Variants in FKBP5 observed in about 807,000 individuals in gnomAD.
FKBP5 encodes the protein peptidyl-prolyl cis-trans isomerase FKBP5.
A neutral mutation model predicts 50.5 loss-of-function variants in FKBP5; 23 were observed. The ratio of observed to expected loss-of-function variants is 0.46; its 90% CI spans 0.33 to 0.65. FKBP5 has a LOEUF of 0.65. FKBP5 is among the 30% of genes least tolerant of loss of function. The pLI is 0.02. For synonymous variants in FKBP5, 176 were observed against 190.6 expected, an observed-to-expected ratio of 0.92 and a Z score of 0.63; for missense variants, 411 against 553.1, an observed-to-expected ratio of 0.74 and a Z score of 2.58.
intron 8 of FKBP5, chr6:35,581,329 G>A: frequency 2.7e-6 from 1 of 371,196 alleles, no homozygotes; most frequent in Non-Finnish European, 3.7e-6. Flanking sequence ...GCTGGGGGCT[G>A]AGCACAGTGG....
upstream of FKBP5, among the ~76,000 whole-genome samples, chr6:35,692,489 T>A (rs745382814): frequency 2.0e-5 from 3 of 152,164 alleles, no homozygotes; most frequent in Non-Finnish European, 2.9e-5. Flanking sequence ...GGCAGCTTTG[T>A]ACATTAAGGT....
chr6:35,594,623 C>T (rs976668631), intron 6 of FKBP5, among the ~76,000 whole-genome samples: 2 of 152,024 alleles, frequency 1.3e-5, no homozygotes, highest in African/African-American at 4.8e-5. Flanking sequence ...AGCATGCATA[C>T]ACACACACAT....
At chr6:35,727,954 C>A (rs1766753092) in intron 1 of FKBP5, among the ~76,000 whole-genome samples, 1 of 152,190 alleles carries the variant, frequency 6.6e-6, no homozygotes. Context: ...GGCTGCGGGG[C>A]CCACGCGCGC....
At chr6:35,588,999 C>A (rs1316271290) in intron 7 of FKBP5, among the ~76,000 whole-genome samples, 1 of 149,442 alleles carries the variant, frequency 6.7e-6, no homozygotes, top group African/African-American at 2.5e-5. Flanking sequence ...CTTGGCCTCC[C>A]AAAGTGCTGG....
chr6:35,676,106 A>T (rs986008248), intron 1 of FKBP5, among the ~76,000 whole-genome samples: 1 of 152,234 alleles, frequency 6.6e-6, no homozygotes, highest in Admixed American at 6.5e-5. Context: ...AAAAAGAGGG[A>T]TTTGACGTCA....
intron 1 of FKBP5, among the ~76,000 whole-genome samples, chr6:35,680,281 T>C (rs1765631447): frequency 6.6e-6 from 1 of 152,120 alleles, no homozygotes; most frequent in African/African-American, 2.4e-5. Context: ...TTTTCTTTAA[T>C]TAGCCAGACA....
intron 5 of FKBP5, among the ~76,000 whole-genome samples, chr6:35,606,898 A>G (rs1763338093): frequency 6.6e-6 from 1 of 152,142 alleles, no homozygotes; most frequent in African/African-American, 2.4e-5. Flanking sequence ...TATCAGAAAG[A>G]TAGCTGGCAT....
chr6:35,625,365 G>A (rs1304013113), intron 3 of FKBP5, among the ~76,000 whole-genome samples: 1 of 152,064 alleles, frequency 6.6e-6, no homozygotes, highest in Non-Finnish European at 1.5e-5. Flanking sequence ...GATTACAGGT[G>A]TGAGTCACCA....
chr6:35,611,002 G>C (rs1763475335), intron 5 of FKBP5, among the ~76,000 whole-genome samples: 2 of 152,168 alleles, frequency 1.3e-5, no homozygotes, highest in African/African-American at 2.4e-5. Context: ...GATGATTGCT[G>C]CATAGCCTGC....
chr6:35,703,179 G>A lies in FKBP5; in HGVS notation c.-20+17149C>T, dbSNP rs927834198. On this transcript the variant is annotated intron_variant, in intron 2 of 11. Coordinates refer to the FKBP5 transcript ENST00000536438. ...GCAGGAGAATTGCTTGAGACTGGGA[G>A]GTGGAGGTTGCAATGAGCCGAGATC... Among the ~76,000 whole-genome samples, 4 of 152,126 alleles carry A rather than the reference G, an allele frequency of 2.6e-5. No individual in the cohort carries two copies. In the East Asian group the frequency reaches 7.8e-4, roughly 29 times the overall value.
intron 5 of FKBP5, among the ~76,000 whole-genome samples, chr6:35,598,999 T>TAAATAAATAAATAAATAAATA (rs1554131621): frequency 6.6e-5 from 10 of 151,226 alleles, no homozygotes; most frequent in African/African-American, 2.4e-4. Flanking sequence ...AATAAATAAA[T>TAAATAAATAAATAAATAAATA]AAAAATAAAA....
chr6:35,698,581 A>C (rs1488860256), intron 2 of FKBP5, among the ~76,000 whole-genome samples: 1 of 152,180 alleles, frequency 6.6e-6, no homozygotes, highest in African/African-American at 2.4e-5. Flanking sequence ...TGGGAGGCAG[A>C]GGTTGCAATG....
chr6:35,683,109 T>TATATATACGTATATATATACAC (rs1364650186), intron 1 of FKBP5, among the ~76,000 whole-genome samples: 2 of 142,424 alleles, frequency 1.4e-5, no homozygotes, highest in African/African-American at 5.2e-5. Flanking sequence ...TGTGTGTATA[T>TATATATACGTATATATATACAC]ATATACGTAT....
At chr6:35,672,759 A>T (rs975327511) in intron 1 of FKBP5, among the ~76,000 whole-genome samples, 1 of 76,770 alleles carries the variant, frequency 1.3e-5, no homozygotes, top group African/African-American at 4.3e-5. Flanking sequence ...ACTTGTCTCT[A>T]CTAAAAAAAA....
intron 2 of FKBP5, among the ~76,000 whole-genome samples, chr6:35,717,393 T>C (rs1022038133): frequency 6.6e-6 from 1 of 152,178 alleles, no homozygotes; most frequent in African/African-American, 2.4e-5. Flanking sequence ...CATGTATTCA[T>C]GTATGTGTGA....
intron 1 of FKBP5, among the ~76,000 whole-genome samples, chr6:35,662,106 C>T (rs1765084398): frequency 6.6e-6 from 1 of 151,910 alleles, no homozygotes; most frequent in African/African-American, 2.4e-5. Flanking sequence ...CTATGTTGCC[C>T]AGGCTGATCT....
At chr6:35,696,624 CT>C (rs1289859406) in intron 2 of FKBP5, among the ~76,000 whole-genome samples, 1 of 152,032 alleles carries the variant, frequency 6.6e-6, no homozygotes, top group Non-Finnish European at 1.5e-5. Context: ...AATGCCAATT[CT>C]TCCCAAATTG....
At chr6:35,589,159 T>C (rs1358720511) in intron 7 of FKBP5, among the ~76,000 whole-genome samples, 1 of 146,530 alleles carries the variant, frequency 6.8e-6, no homozygotes, top group African/African-American at 2.5e-5. Context: ...GACGGAGTCT[T>C]GCTCTGTCTC....
intron 1 of FKBP5, among the ~76,000 whole-genome samples, chr6:35,683,120 ATGTGTGTGTGTGTGTGTGTGTGTGTGTG>A (rs35830022): frequency 1.2e-5 from 1 of 80,650 alleles, no homozygotes; most frequent in African/African-American, 4.5e-5. Context: ...ATATACGTAT[ATGTGTGTGTGTGTGTGTGTGTGTGTGTG>A]TGTGTGTGTG....
Sources: gnomAD v4.1 joint callset for allele counts (sites outside exome capture counted in the v4.1 genomes callset) on GRCh38, gnomAD v4.1.1 for gene constraint, MANE v1.5 for transcripts, NCBI Gene and HGNC (gene_info 2026-07-23, HGNC 2026-07-21) for gene names.